B3GALT1: variants seen among roughly 807,000 people sequenced by gnomAD.
B3GALT1 encodes beta-1,3-galactosyltransferase 1.
B3GALT1 carries 10 observed loss-of-function variants against 23.2 expected under a neutral mutation model. The observed-to-expected ratio is 0.43, with a 90% confidence interval of 0.27 to 0.73. B3GALT1 has a LOEUF of 0.73. Among genes scored for constraint, B3GALT1 ranks in the 30% least tolerant of loss-of-function variants. The probability of loss-of-function intolerance (pLI) is 0.21; values close to 1 mark genes in which losing one functional copy is unlikely to be tolerated. For synonymous variants in B3GALT1, 156 were observed against 141.5 expected (o/e 1.10, Z -0.73); for missense variants, 299 against 405.4 (o/e 0.74, Z 2.25).
At chr2:167,825,283 C>CAAA (rs71963760) in intron 4 of B3GALT1, among the ~76,000 whole-genome samples, 2,697 of 82,098 alleles carry the variant, frequency 0.033, 70 homozygotes, top group South Asian at 0.07. Context: ...GACTCCGTCT[C>CAAA]AAAAAAAAAA....
intron 2 of B3GALT1, among the ~76,000 whole-genome samples, chr2:167,517,195 T>G (rs1256390666): frequency 6.6e-6 from 1 of 151,798 alleles, no homozygotes; most frequent in African/African-American, 2.4e-5. Flanking sequence ...AAAACATCAC[T>G]TGCTACTTTG....
At chr2:167,762,217 C>T (rs1687907857) in intron 3 of B3GALT1, among the ~76,000 whole-genome samples, 1 of 152,130 alleles carries the variant, frequency 6.6e-6, no homozygotes, top group Non-Finnish European at 1.5e-5. Context: ...GTTCTCAGCA[C>T]AATGACATGT....
At chr2:167,535,059 G>A (rs995292453) in intron 2 of B3GALT1, among the ~76,000 whole-genome samples, 6 of 152,148 alleles carry the variant, frequency 3.9e-5, no homozygotes, top group Non-Finnish European at 8.8e-5. Flanking sequence ...GACCATGATC[G>A]ATTTCACAAA....
At chr2:167,541,561 G>A (rs1220232951) in intron 2 of B3GALT1, among the ~76,000 whole-genome samples, 1 of 152,004 alleles carries the variant, frequency 6.6e-6, no homozygotes, top group African/African-American at 2.4e-5. Flanking sequence ...TGTGATTTTA[G>A]GAAAAGTCTA....
chr2:167,402,845 G>A (rs1358511048), intron 1 of B3GALT1, among the ~76,000 whole-genome samples: 1 of 152,108 alleles, frequency 6.6e-6, no homozygotes. Context: ...AATTTTGAAA[G>A]ATGATTTGAA....
intron 3 of B3GALT1, among the ~76,000 whole-genome samples, chr2:167,692,057 A>G (rs981939018): frequency 6.6e-6 from 1 of 152,114 alleles, no homozygotes; most frequent in African/African-American, 2.4e-5. Context: ...ATTGCTGCTC[A>G]TTAGGCTAAT....
chr2:167,495,278 G>A (rs1247419190), intron 2 of B3GALT1, among the ~76,000 whole-genome samples: 1 of 151,020 alleles, frequency 6.6e-6, no homozygotes, highest in African/African-American at 2.4e-5. Flanking sequence ...ACTTAGAGAA[G>A]GTGATGAAGA....
chr2:167,751,770 G>A (rs1687743329), intron 3 of B3GALT1, among the ~76,000 whole-genome samples: 1 of 152,158 alleles, frequency 6.6e-6, no homozygotes, highest in Admixed American at 6.6e-5. Context: ...AATTCCTGGG[G>A]TACTGCAAGA....
intron 1 of B3GALT1, among the ~76,000 whole-genome samples, chr2:167,394,666 A>AT (rs142604520): frequency 0.019 from 2,822 of 152,248 alleles, 86 homozygotes; most frequent in African/African-American, 0.062. Flanking sequence ...CAAAATAGGC[A>AT]TTTTCTCTCC....
chr2:167,576,355 A>AAT (rs534261293), intron 2 of B3GALT1, among the ~76,000 whole-genome samples: 143 of 151,880 alleles, frequency 9.4e-4, no homozygotes, highest in African/African-American at 3.4e-3. Context: ...CTCCAATTAG[A>AAT]ATAGTGTACT....
chr2:167,555,030 C>A (rs1032253207), intron 2 of B3GALT1, among the ~76,000 whole-genome samples: 2 of 152,134 alleles, frequency 1.3e-5, no homozygotes, highest in East Asian at 3.8e-4. Context: ...GACGTATGTG[C>A]TGAGTGATAT....
chr2:167,778,412 A>G (rs1259476599), intron 3 of B3GALT1, among the ~76,000 whole-genome samples: 1 of 151,366 alleles, frequency 6.6e-6, no homozygotes, highest in Non-Finnish European at 1.5e-5. Flanking sequence ...TAATTTCTTA[A>G]TTTTAAAGGG....
intron 3 of B3GALT1, among the ~76,000 whole-genome samples, chr2:167,654,923 A>G (rs927148007): frequency 2.0e-5 from 3 of 151,962 alleles, no homozygotes; most frequent in Admixed American, 2.0e-4. Context: ...TAGTGTCTGT[A>G]ATTATCTGGG....
At chr2:167,728,355 C>A (rs1046339486) in intron 3 of B3GALT1, among the ~76,000 whole-genome samples, 4 of 152,114 alleles carry the variant, frequency 2.6e-5, no homozygotes, top group Non-Finnish European at 4.4e-5. Context: ...CCACTGCACT[C>A]CAGCCTGGGT....
intron 3 of B3GALT1, among the ~76,000 whole-genome samples, chr2:167,654,243 G>A (rs958761168): frequency 2.0e-5 from 3 of 152,148 alleles, no homozygotes; most frequent in Non-Finnish European, 4.4e-5. Context: ...AGACTGCAAG[G>A]CATTTAGAAT....
At chr2:167,337,000 C>T (rs982673708) in intron 1 of B3GALT1, among the ~76,000 whole-genome samples, 3 of 152,130 alleles carry the variant, frequency 2.0e-5, no homozygotes, top group Non-Finnish European at 2.9e-5. Context: ...TTCAGCTGTC[C>T]GAGGATTACA....
intron 3 of B3GALT1, among the ~76,000 whole-genome samples, chr2:167,682,277 G>A (rs1290765852): frequency 6.6e-6 from 1 of 152,112 alleles, no homozygotes; most frequent in Non-Finnish European, 1.5e-5. Context: ...AAATAAATAA[G>A]ATAATGACCT....
intron 1 of B3GALT1, among the ~76,000 whole-genome samples, chr2:167,443,404 C>G (rs913214043): frequency 2.0e-5 from 3 of 152,266 alleles, no homozygotes; most frequent in Non-Finnish European, 4.4e-5. Flanking sequence ...TCTTCCAATT[C>G]TGTGAAGAAA....
intron 1 of B3GALT1, among the ~76,000 whole-genome samples, chr2:167,463,744 C>CAA (rs1559105095): frequency 6.6e-6 from 1 of 152,046 alleles, no homozygotes; most frequent in African/African-American, 2.4e-5. Context: ...TATGAAAATG[C>CAA]AAAGTGTAAG....
Sources: gnomAD v4.1 joint callset for allele counts (sites outside exome capture counted in the v4.1 genomes callset) on GRCh38, gnomAD v4.1.1 for gene constraint, MANE v1.5 for transcripts, NCBI Gene and HGNC (gene_info 2026-07-23, HGNC 2026-07-21) for gene names.